The following USH2A variants were observed in gnomAD, a reference collection of about 807,000 sequenced individuals.
The protein encoded by USH2A is usherin, also known as Usher syndrome 2A (autosomal recessive, mild).
A neutral mutation model predicts 538.9 loss-of-function variants in USH2A; 443 were observed. The observed-to-expected ratio is 0.82, with a 90% CI of 0.76 to 0.89. The LOEUF (loss-of-function observed/expected upper bound fraction) is 0.89. Ranked by LOEUF, USH2A falls within the 40% of genes least tolerant of loss-of-function variation. The pLI, the probability that USH2A is intolerant of heterozygous loss-of-function variation, is 0.00. For missense variants in USH2A, 6,633 were observed against 6,324.8 expected (o/e 1.05, Z -1.65); for synonymous variants, 2,413 against 2,273.5 (o/e 1.06, Z -1.75).
intron 21 of USH2A, among the ~76,000 whole-genome samples, chr1:216,135,445 C>T (rs1006858015): frequency 6.6e-6 from 1 of 151,968 alleles, no homozygotes; most frequent in African/African-American, 2.4e-5. Context: ...TCCTATTTCT[C>T]TATCTATATA....
intron 4 of USH2A, among the ~76,000 whole-genome samples, chr1:216,348,214 G>A (rs1488972648): frequency 6.6e-6 from 1 of 152,082 alleles, no homozygotes; most frequent in East Asian, 1.9e-4. Context: ...TTGCATAAGT[G>A]CAATAAGCAT....
chr1:216,421,801 T>G, intron 2 of USH2A, 51 bp downstream of exon 2: 1 of 1,613,330 alleles, frequency 6.2e-7, no homozygotes, highest in Non-Finnish European at 8.5e-7. Context: ...TGATCTTCAC[T>G]ACTACTGGTT....
intron 63 of USH2A, 41 bp from the exon 64 acceptor site, chr1:215,671,334 T>C (rs571192104): frequency 3.1e-6 from 5 of 1,600,980 alleles, no homozygotes; most frequent in East Asian, 2.2e-5. Context: ...TTCAGCAAAA[T>C]AGATTTTCAT....
chr1:215,758,132 C>T (rs1660866243), intron 58 of USH2A, among the ~76,000 whole-genome samples: 1 of 151,426 alleles, frequency 6.6e-6, no homozygotes, highest in Non-Finnish European at 1.5e-5. Context: ...AAAAACAATA[C>T]AAAATTAGCC....
intron 44 of USH2A, among the ~76,000 whole-genome samples, chr1:215,858,205 G>C (rs187655343): frequency 2.6e-5 from 4 of 152,124 alleles, no homozygotes; most frequent in Admixed American, 2.6e-4. Context: ...ATCCTATTAT[G>C]TATGATGCAT....
chr1:216,250,004 G>A (rs1315435488), intron 12 of USH2A, among the ~76,000 whole-genome samples: 1 of 151,956 alleles, frequency 6.6e-6, no homozygotes, highest in Non-Finnish European at 1.5e-5. Flanking sequence ...GAAAGGCAAA[G>A]GTCTTTTTTA....
chr1:216,020,571 A>G (rs144199990), intron 32 of USH2A, among the ~76,000 whole-genome samples: 2,898 of 152,240 alleles, frequency 0.019, 47 homozygotes, highest in Non-Finnish European at 0.027. Context: ...TAAAGATGAT[A>G]GTAGCATCTT....
intron 13 of USH2A, among the ~76,000 whole-genome samples, chr1:216,242,716 G>A (rs1055484261): frequency 5.3e-5 from 8 of 151,966 alleles, no homozygotes; most frequent in African/African-American, 1.9e-4. Context: ...TCACCTTTCT[G>A]GAAACTAAAC....
chr1:216,373,952 A>G (rs953539282), intron 3 of USH2A, among the ~76,000 whole-genome samples: 1 of 152,070 alleles, frequency 6.6e-6, no homozygotes, highest in Non-Finnish European at 1.5e-5. Flanking sequence ...TGTCCTTTGT[A>G]GGAACGTGGA....
intron 50 of USH2A, among the ~76,000 whole-genome samples, chr1:215,793,011 T>C (rs1305727953): frequency 6.6e-6 from 1 of 152,156 alleles, no homozygotes; most frequent in Non-Finnish European, 1.5e-5. Flanking sequence ...ATATTGTCTT[T>C]CTAAACTGTA....
intron 21 of USH2A, among the ~76,000 whole-genome samples, chr1:216,104,790 G>A (rs1247390874): frequency 6.6e-6 from 1 of 152,082 alleles, no homozygotes; most frequent in East Asian, 1.9e-4. Context: ...AACACAAAAA[G>A]CAATGGCAAC....
intron 22 of USH2A, among the ~76,000 whole-genome samples, chr1:216,093,976 G>A (rs2032375775): frequency 6.6e-6 from 1 of 152,158 alleles, no homozygotes; most frequent in Non-Finnish European, 1.5e-5. Context: ...ACCTCAAGGG[G>A]CTACTTCAAG....
chr1:215,857,000 A>G (rs1447807299), intron 44 of USH2A, among the ~76,000 whole-genome samples: 3 of 152,116 alleles, frequency 2.0e-5, no homozygotes, highest in African/African-American at 7.2e-5. Context: ...CTCACTCATA[A>G]GTGAGAGCTA....
intron 38 of USH2A, among the ~76,000 whole-genome samples, chr1:215,910,785 T>C (rs1423830842): frequency 6.6e-6 from 1 of 151,910 alleles, no homozygotes; most frequent in African/African-American, 2.4e-5. Flanking sequence ...CCTTTTAAGT[T>C]ACTTGAAGAT....
At chr1:216,177,447 G>T (rs2034411412) in intron 20 of USH2A, among the ~76,000 whole-genome samples, 1 of 152,106 alleles carries the variant, frequency 6.6e-6, no homozygotes, top group Non-Finnish European at 1.5e-5. Flanking sequence ...ATAGCACTCT[G>T]AATGTTAAAC....
intron 11 of USH2A, among the ~76,000 whole-genome samples, chr1:216,259,839 A>C (rs1190285075): frequency 1.3e-5 from 2 of 152,106 alleles, no homozygotes; most frequent in Admixed American, 6.6e-5. Flanking sequence ...TAACAAGTAA[A>C]ACCCATAATT....
rs1277398294 is a variant in USH2A, at chr1:216,199,709, G to A, written c.3729C>T (p.Pro1243=). 2 of 1,613,962 alleles carry A rather than the reference G, an allele frequency of 1.2e-6. No individual in the cohort carries two copies. Among genetic ancestry groups the A allele is most frequent in the Admixed American group, 1.7e-5 (1 of 60,006 alleles). Residue 1243 remains proline (P), a synonymous_variant, in exon 17 of 72, where the codon CCC becomes CCT. Coordinates refer to ENST00000307340, the MANE Select transcript of USH2A (RefSeq NM_206933.4). ...GCATCTTAGGTGGACTTAGTCTTTG[G>A]GGAGGGGCCTGGGCTGTGGTCACTG... ...PITVTTAQAP[P]QRLSPPKMQK...
At chr1:216,243,869 G>C (rs2035982696) in intron 13 of USH2A, among the ~76,000 whole-genome samples, 1 of 152,002 alleles carries the variant, frequency 6.6e-6, no homozygotes, top group South Asian at 2.1e-4. Flanking sequence ...AGGTCCATAT[G>C]GTCTTCAGAA....
In USH2A at chr1:215,623,157, A is replaced by AAAAC. The variant is rs2102618680; in HGVS notation, c.*2620_*2623dup. On this transcript the variant is annotated 3_prime_UTR_variant, in exon 72 of 72. Coordinates refer to ENST00000307340, the MANE Select transcript of USH2A (RefSeq NM_206933.4). ...ATAAACACATTTCTTAGAGTGTATAAAAACAACTGTACTCTTACCAAACAG... is the reference window on the plus strand; with the variant it reads ...ATAAACACATTTCTTAGAGTGTATAAAAACAAACAACTGTACTCTTACCAAACAG... 6.6e-6 allele frequency: 1 copy of AAAAC among 152,250 alleles called. No individual in the cohort carries two copies. The highest frequency in any genetic ancestry group is 6.5e-5 in the Admixed American group (1 of 15,276). 9.4% of individuals were successfully genotyped at this position (152,250 alleles called of 1,614,324 possible).
Sources: allele counts gnomAD v4.1 joint callset (sites outside exome capture counted in the v4.1 genomes callset), GRCh38; gene constraint gnomAD v4.1.1; transcripts MANE v1.5; gene names NCBI Gene and HGNC (gene_info 2026-07-23, HGNC 2026-07-21).